SNX29: variants seen among roughly 807,000 people sequenced by gnomAD.
The protein encoded by SNX29 is sorting nexin 29.
A neutral mutation model predicts 102.1 loss-of-function variants in SNX29; 78 were observed. That is an observed-to-expected ratio of 0.76 (90% confidence interval 0.64 to 0.92). The LOEUF (loss-of-function observed/expected upper bound fraction) is 0.92. Ranked by LOEUF, SNX29 falls within the 40% of genes least tolerant of loss-of-function variation. The pLI, the probability that SNX29 is intolerant of heterozygous loss-of-function variation, is 0.00. For synonymous variants in SNX29, 580 were observed against 414.5 expected, an observed-to-expected ratio of 1.40 and a Z score of -4.85; for missense variants, 1,280 against 1,061.7, an observed-to-expected ratio of 1.21 and a Z score of -2.86.
intron 11 of SNX29, among the ~76,000 whole-genome samples, chr16:12,091,612 C>A (rs1195090713): frequency 6.6e-6 from 1 of 151,838 alleles, no homozygotes; most frequent in Non-Finnish European, 1.5e-5. Flanking sequence ...ACAGATAGAC[C>A]CTGTCTCTAC....
intron 15 of SNX29, among the ~76,000 whole-genome samples, chr16:12,284,270 T>C (rs1271931702): frequency 6.6e-6 from 1 of 152,274 alleles, no homozygotes; most frequent in African/African-American, 2.4e-5. Context: ...CGTATGTTCC[T>C]GGGCACGCCC....
chr16:12,150,134 G>C, intron 13 of SNX29, among the ~76,000 whole-genome samples: 1 of 152,156 alleles, frequency 6.6e-6, no homozygotes, highest in African/African-American at 2.4e-5. Flanking sequence ...CTTTAAGGAG[G>C]GGGAGTAATT....
chr16:12,415,449 G>A (rs1000535017), intron 18 of SNX29, among the ~76,000 whole-genome samples: 2 of 152,238 alleles, frequency 1.3e-5, no homozygotes, highest in African/African-American at 4.8e-5. Flanking sequence ...TACACAGCAA[G>A]GACAGGTTGT....
chr16:12,294,365 C>G (rs2079907178), intron 15 of SNX29, among the ~76,000 whole-genome samples: 1 of 152,176 alleles, frequency 6.6e-6, no homozygotes, highest in Admixed American at 6.5e-5. Flanking sequence ...TGGAACAGCC[C>G]TCAGCCCTGT....
intron 20 of SNX29, among the ~76,000 whole-genome samples, chr16:12,555,492 G>T (rs2078276958): frequency 6.8e-6 from 1 of 147,218 alleles, no homozygotes; most frequent in South Asian, 2.1e-4. Context: ...TTTCGTTGTG[G>T]GGAGTCACGC....
At chr16:12,533,187 C>T (rs1479982078) in intron 20 of SNX29, among the ~76,000 whole-genome samples, 1 of 152,232 alleles carries the variant, frequency 6.6e-6, no homozygotes, top group East Asian at 1.9e-4. Context: ...ATTCTGGAAC[C>T]AGCAGCCATC....
Position 12,572,716 on chromosome 16 carries a change from C to A in SNX29, c.*4087C>A. 9.4e-7 allele frequency: 1 copy of A among 1,063,914 alleles called. No individual in the cohort carries two copies. Among genetic ancestry groups the A allele is most frequent in the Non-Finnish European group, 1.1e-6 (1 of 878,402 alleles). The allele number at this position is 1,063,914 out of a possible 1,614,324, so 65.9% of individuals were successfully genotyped here. A position where few individuals can be genotyped will look rare whatever the true frequency, so the allele number is the denominator to read the frequency against. On this transcript the variant is annotated 3_prime_UTR_variant, in exon 21 of 21. Coordinates refer to ENST00000566228, the MANE Select transcript of SNX29 (RefSeq NM_032167.5). ...CTCCAGCAGCATCTTCCAGCCTTGG[C>A]ACAGAACTGATGGCAAAGGAAGGGC...
chr16:12,440,978 C>G (rs1424712570), intron 18 of SNX29, among the ~76,000 whole-genome samples: 1 of 151,954 alleles, frequency 6.6e-6, no homozygotes, highest in Non-Finnish European at 1.5e-5. Flanking sequence ...CCTTTTGTGA[C>G]TTAGAATCGT....
At chr16:12,548,815 A>G (rs2077776118) in intron 20 of SNX29, among the ~76,000 whole-genome samples, 2 of 152,096 alleles carry the variant, frequency 1.3e-5, no homozygotes, top group African/African-American at 2.4e-5. Flanking sequence ...TTGTTTTCCT[A>G]TGGCAGGCCC....
intron 15 of SNX29, chr16:12,297,095 C>G (rs1421053669): frequency 6.6e-6 from 1 of 152,310 alleles, no homozygotes; most frequent in African/African-American, 2.4e-5. Flanking sequence ...TAGGATATAC[C>G]ACTTTTTTCC....
intron 14 of SNX29, among the ~76,000 whole-genome samples, chr16:12,251,748 TTTTA>T: frequency 6.6e-6 from 1 of 152,042 alleles, no homozygotes; most frequent in Middle Eastern, 3.4e-3. Context: ...TCATAACTAA[TTTTA>T]TTTGTTTTAA....
intron 14 of SNX29, among the ~76,000 whole-genome samples, chr16:12,250,364 C>T (rs1384936377): frequency 6.6e-6 from 1 of 151,976 alleles, no homozygotes; most frequent in Non-Finnish European, 1.5e-5. Flanking sequence ...AGTCAGAGCC[C>T]CAGGAGAGAA....
At chr16:12,525,152 C>T (rs2141132166) in intron 20 of SNX29, among the ~76,000 whole-genome samples, 1 of 152,214 alleles carries the variant, frequency 6.6e-6, no homozygotes, top group East Asian at 1.9e-4. Flanking sequence ...TTCTGTACAG[C>T]CCACGGGTGC....
intron 3 of SNX29, among the ~76,000 whole-genome samples, chr16:12,009,867 A>G (rs1278762752): frequency 6.6e-6 from 1 of 152,266 alleles, no homozygotes; most frequent in Non-Finnish European, 1.5e-5. Flanking sequence ...CTCAAAGACT[A>G]GAAACGTGAT....
At position 12,507,340 on chromosome 16, in the gene SNX29, G is replaced by A. The variant is rs1052278791; in HGVS notation, c.2179-17362G>A. On this transcript the variant is annotated intron_variant, in intron 19 of 20. Transcript: ENST00000566228. The stretch of plus-strand genomic sequence containing the variant: ...AGGAGAAGCTTGACTCCTGTCTGGC[G>A]TTGCTGGTATTTGTGTGCTAGCCCT... Among the ~76,000 whole-genome samples the A allele has an allele frequency of 1.4e-4, 21 of 152,336 alleles. 1 individual carries two copies. Among genetic ancestry groups the A allele is most frequent in the Admixed American group, 1.1e-3 (17 of 15,302 alleles).
At chr16:11,991,512 A>G (rs1015408991) in intron 1 of SNX29, among the ~76,000 whole-genome samples, 7 of 151,860 alleles carry the variant, frequency 4.6e-5, no homozygotes, top group Non-Finnish European at 1.0e-4. Flanking sequence ...AAAAATATAA[A>G]TATATGTAAA....
At chr16:12,142,016 C>G (rs1052279037) in intron 13 of SNX29, among the ~76,000 whole-genome samples, 3 of 152,212 alleles carry the variant, frequency 2.0e-5, no homozygotes. Context: ...TCATCATCCT[C>G]GTGATGACCC....
At chr16:12,305,421 G>T (rs1355410799) in intron 15 of SNX29, among the ~76,000 whole-genome samples, 1 of 152,226 alleles carries the variant, frequency 6.6e-6, no homozygotes, top group Admixed American at 6.5e-5. Flanking sequence ...CAAGCCCTAG[G>T]CATTTTAGCT....
intron 18 of SNX29, among the ~76,000 whole-genome samples, chr16:12,415,325 C>A (rs1447169505): frequency 6.6e-6 from 1 of 152,188 alleles, no homozygotes; most frequent in Admixed American, 6.5e-5. Context: ...GCTGCCCACT[C>A]GGCAGGATTG....
Sources: allele counts gnomAD v4.1 joint callset (sites outside exome capture counted in the v4.1 genomes callset), GRCh38; gene constraint gnomAD v4.1.1; transcripts MANE v1.5; gene names NCBI Gene and HGNC (gene_info 2026-07-23, HGNC 2026-07-21).